Variants in ST8SIA4 observed in about 807,000 individuals in gnomAD.
The protein encoded by ST8SIA4 is ST8 alpha-N-acetyl-neuraminide alpha-2,8-sialyltransferase 4, also known as CMP-N-acetylneuraminate-poly-alpha-2,8-sialyltransferase.
A neutral mutation model predicts 33.9 loss-of-function variants in ST8SIA4; 15 were observed. The observed-to-expected ratio is 0.44, with a 90% CI of 0.30 to 0.68. The LOEUF is 0.68. Ranked by LOEUF, ST8SIA4 falls within the 30% of genes least tolerant of loss-of-function variation. The pLI, the probability that ST8SIA4 is intolerant of heterozygous loss-of-function variation, is 0.10. For synonymous variants in ST8SIA4, 171 were observed against 151.2 expected (o/e 1.13, Z -0.96); for missense variants, 321 against 428.0 (o/e 0.75, Z 2.21).
At chr5:100,825,754 T>G (rs1751129084) in intron 4 of ST8SIA4, among the ~76,000 whole-genome samples, 1 of 152,200 alleles carries the variant, frequency 6.6e-6, no homozygotes, top group Non-Finnish European at 1.5e-5. Context: ...TAAATGTACC[T>G]TTTCTAGCCA....
rs573160912 is a variant in ST8SIA4, at chr5:100,836,839, G to T, written c.797+19264C>A. On this transcript the variant is annotated intron_variant, in intron 4 of 4. Coordinates refer to ENST00000231461, the MANE Select transcript of ST8SIA4 (RefSeq NM_005668.6). Reference sequence around the variant, plus strand: ...TTGGAAAAAAATAAAATCCATCAGAGAAAATTGCTACTGTTCCGTACTGAC... The same window carrying T: ...TTGGAAAAAAATAAAATCCATCAGATAAAATTGCTACTGTTCCGTACTGAC... Among the ~76,000 whole-genome samples the T allele has an allele frequency of 1.3e-4, 20 of 152,072 alleles. No individual in the cohort carries two copies. In the South Asian group the frequency reaches 3.3e-3, roughly 25 times the overall value.
In ST8SIA4 at chr5:100,810,648, A is replaced by G; in HGVS notation, c.*1199T>C. The G allele has an allele frequency of 6.6e-6, 1 of 152,630 alleles. No homozygotes were observed. Among genetic ancestry groups the G allele is most frequent in the Non-Finnish European group, 1.5e-5 (1 of 68,036 alleles). The allele number at this position is 152,630 out of a possible 1,614,324, so 9.5% of individuals were successfully genotyped here. On this transcript the variant is annotated 3_prime_UTR_variant, in exon 5 of 5. Transcript: ENST00000231461. ...TTTCACATTAATAGCAAAATAATAT[A>G]TTCATGTTAATAATATATTATTTTC...
At chr5:100,839,176 AATT>A (rs1751424060) in intron 4 of ST8SIA4, among the ~76,000 whole-genome samples, 2 of 151,930 alleles carry the variant, frequency 1.3e-5, no homozygotes, top group Non-Finnish European at 2.9e-5. Context: ...TATGCAAAAA[AATT>A]ATATTTAATT....
At chr5:100,817,789 T>C (rs1364257988) in intron 4 of ST8SIA4, among the ~76,000 whole-genome samples, 2 of 152,228 alleles carry the variant, frequency 1.3e-5, no homozygotes, top group Non-Finnish European at 2.9e-5. Context: ...GAAGTAATCC[T>C]TATAGTATGC....
At chr5:100,840,027 A>T (rs1304802918) in intron 4 of ST8SIA4, among the ~76,000 whole-genome samples, 1 of 151,538 alleles carries the variant, frequency 6.6e-6, no homozygotes, top group Non-Finnish European at 1.5e-5. Context: ...TATACTTTTA[A>T]TATTTTCAAT....
At chr5:100,866,787 C>T (rs900131587) in intron 3 of ST8SIA4, among the ~76,000 whole-genome samples, 2 of 152,048 alleles carry the variant, frequency 1.3e-5, no homozygotes, top group African/African-American at 4.8e-5. Flanking sequence ...AGTGCTAGAG[C>T]TGGGGTTCAA....
intron 4 of ST8SIA4, among the ~76,000 whole-genome samples, chr5:100,848,635 A>G (rs1751619354): frequency 6.7e-6 from 1 of 150,228 alleles, no homozygotes; most frequent in South Asian, 2.1e-4. Flanking sequence ...AAGTCTGTAC[A>G]GTGTGTGTGT....
In ST8SIA4 at chr5:100,830,893, C is replaced by T. The variant is rs749159177; in HGVS notation, c.798-18764G>A. Reference sequence around the variant, plus strand: ...AATCATATCTATTTATGTAACTATACTTGCATATGACTTCAAATATAAATA... The same window carrying T: ...AATCATATCTATTTATGTAACTATATTTGCATATGACTTCAAATATAAATA... On this transcript the variant is annotated intron_variant, in intron 4 of 4. Coordinates refer to ENST00000231461, the MANE Select transcript of ST8SIA4 (RefSeq NM_005668.6). Among the ~76,000 whole-genome samples the T allele has an allele frequency of 1.4e-3, 217 of 152,268 alleles. 2 individuals carry two copies. Among genetic ancestry groups the T allele is most frequent in the Non-Finnish European group, 7.5e-4 (51 of 68,006 alleles).
intron 1 of ST8SIA4, among the ~76,000 whole-genome samples, chr5:100,896,954 C>T (rs1580489321): frequency 6.6e-6 from 1 of 152,152 alleles, no homozygotes; most frequent in Non-Finnish European, 1.5e-5. Context: ...AGTTCCTAGA[C>T]TCTATTCTCT....
At chr5:100,895,466 G>A (rs1247589814) in intron 2 of ST8SIA4, among the ~76,000 whole-genome samples, 188 bp downstream of exon 2, 6 of 151,922 alleles carry the variant, frequency 3.9e-5, no homozygotes, top group Non-Finnish European at 8.8e-5. Context: ...TTAAATCTCT[G>A]ACTATATAAT....
Position 100,885,796 on chromosome 5 carries a change from T to TA in ST8SIA4, c.503+546dup, listed in dbSNP as rs941073805. 32 of 894,340 alleles carry TA rather than the reference T, an allele frequency of 3.6e-5. No homozygotes were observed. In the East Asian group the frequency reaches 4.8e-4, roughly 13 times the overall value. 55.4% of individuals were successfully genotyped at this position (894,340 alleles called of 1,614,324 possible). A position where few individuals can be genotyped will look rare whatever the true frequency, so the allele number is the denominator to read the frequency against. Reference sequence around the variant, plus strand: ...AACAAACATGCACGCTTAATTATGTTAAAAAAACATAAAATTCAAATATAC... The same window carrying TA: ...AACAAACATGCACGCTTAATTATGTTAAAAAAAACATAAAATTCAAATATAC... On this transcript the variant is annotated intron_variant, in intron 3 of 4. Coordinates refer to ENST00000231461, the MANE Select transcript of ST8SIA4 (RefSeq NM_005668.6).
chr5:100,884,389 AG>A (rs1752491740), intron 3 of ST8SIA4, among the ~76,000 whole-genome samples: 1 of 152,196 alleles, frequency 6.6e-6, no homozygotes, highest in Non-Finnish European at 1.5e-5. Flanking sequence ...AAGAGAAAAT[AG>A]GCTTCAATTT....
intron 4 of ST8SIA4, among the ~76,000 whole-genome samples, chr5:100,827,067 C>T (rs1751164176): frequency 6.6e-6 from 1 of 151,768 alleles, no homozygotes; most frequent in Non-Finnish European, 1.5e-5. Context: ...ACGTTAATTC[C>T]TTATTAGAAA....
rs538935468 is a variant in ST8SIA4, at chr5:100,885,817, TA to T, written c.503+525del. On this transcript the variant is annotated intron_variant, in intron 3 of 4. Coordinates refer to ENST00000231461, the MANE Select transcript of ST8SIA4 (RefSeq NM_005668.6). ...ATGTTAAAAAAACATAAAATTCAAA[TA>T]TACTAACATACACAAATACCACATA... The T allele has an allele frequency of 3.4e-3, 2,996 of 879,902 alleles. 3 individuals are homozygous for T. The highest frequency in any genetic ancestry group is 3.9e-3 in the Non-Finnish European group (2,882 of 733,758). 54.5% of individuals were successfully genotyped at this position (879,902 alleles called of 1,614,324 possible). A position where few individuals can be genotyped will look rare whatever the true frequency, so the allele number is the denominator to read the frequency against.
chr5:100,858,903 T>C (rs1751874413), intron 3 of ST8SIA4, among the ~76,000 whole-genome samples: 1 of 152,062 alleles, frequency 6.6e-6, no homozygotes, highest in African/African-American at 2.4e-5. Flanking sequence ...AGACACTTCA[T>C]AAAATACAAC....
In ST8SIA4 at chr5:100,835,052, C is replaced by T. The variant is rs185319; in HGVS notation, c.797+21051G>A. On this transcript the variant is annotated intron_variant, in intron 4 of 4. Transcript: ENST00000231461. Reference sequence around the variant, plus strand: ...AAACAAGGAACTAGGGCTGAGATGTCTTCCAATTTACATTCTTGTTATTAT... The same window carrying T: ...AAACAAGGAACTAGGGCTGAGATGTTTTCCAATTTACATTCTTGTTATTAT... Among the ~76,000 whole-genome samples, 1,203 of 152,220 alleles carry T rather than the reference C, an allele frequency of 7.9e-3. 5 individuals carry two copies. Among genetic ancestry groups the T allele is most frequent in the Non-Finnish European group, 0.012 (829 of 67,980 alleles).
intron 3 of ST8SIA4, among the ~76,000 whole-genome samples, chr5:100,878,896 A>T (rs909886222): frequency 1.3e-5 from 2 of 152,176 alleles, no homozygotes; most frequent in Non-Finnish European, 2.9e-5. Context: ...GTTGTAGATT[A>T]TATTATGTGG....
chr5:100,856,393 A>G lies in ST8SIA4; in HGVS notation c.507T>C (p.Cys169=). 6.2e-7 allele frequency: 1 copy of G among 1,605,090 alleles called. No homozygotes were observed. Among genetic ancestry groups the G allele is most frequent in the Non-Finnish European group, 8.5e-7 (1 of 1,175,082 alleles). The change falls in exon 4 of 5, where the codon TGT becomes TGC. Residue 169 remains cysteine, a synonymous_variant. Coordinates refer to ENST00000231461, the MANE Select transcript of ST8SIA4 (RefSeq NM_005668.6). The part of the protein sequence containing the change: ...EIDSHNFVIR[C]NLAPVVEFAA... Reference sequence around the variant, plus strand: ...CAAACTCCACCACAGGAGCTAGATTACACCTGAAGAGGAAAAAATTAATGG... The same window carrying G: ...CAAACTCCACCACAGGAGCTAGATTGCACCTGAAGAGGAAAAAATTAATGG...
chr5:100,886,369 C>A lies in ST8SIA4; in HGVS notation c.477G>T (p.Glu159Asp). 3 of 1,613,694 alleles carry A rather than the reference C, an allele frequency of 1.9e-6. No homozygotes were observed. Among genetic ancestry groups the A allele is most frequent in the Non-Finnish European group, 2.5e-6 (3 of 1,179,688 alleles). The part of the protein sequence containing the change: ...GILLDSECGK[E>D]IDSHNFVIRC... ...TTATTACAAAATTGTGACTGTCAAT[C>A]TCCTTTCCACATTCACTGTCTAACA... is the stretch of plus-strand genomic sequence containing the variant. The change falls in exon 3 of 5, where the codon GAG (glutamate) becomes GAT (aspartate). Residue 159 changes from glutamate (E) to aspartate (D), a missense_variant. By Grantham distance (45) the Glu-to-Asp change is conservative. Transcript: ENST00000231461.
Sources: allele counts gnomAD v4.1 joint callset (sites outside exome capture counted in the v4.1 genomes callset), GRCh38; gene constraint gnomAD v4.1.1; transcripts MANE v1.5; gene names NCBI Gene and HGNC (gene_info 2026-07-23, HGNC 2026-07-21).